DNAI4: variants seen among roughly 807,000 people sequenced by gnomAD.
DNAI4 encodes the protein dynein axonemal intermediate chain 4, also known as WD repeat domain 78.
DNAI4 carries 85 observed loss-of-function variants against 105.8 expected under a neutral mutation model. The ratio of observed to expected loss-of-function variants is 0.80; its 90% CI spans 0.67 to 0.96. The LOEUF (loss-of-function observed/expected upper bound fraction) is 0.96, where lower values mean the gene tolerates loss of function less well. DNAI4 is among the 40% of genes least tolerant of loss of function. The pLI, the probability that DNAI4 is intolerant of heterozygous loss-of-function variation, is 0.00. For missense variants in DNAI4, 1,014 were observed against 1,005.6 expected (o/e 1.01, Z -0.11); for synonymous variants, 352 against 331.5 (o/e 1.06, Z -0.67).
At chr1:66,897,654 G>A (rs1352401534) in intron 2 of DNAI4, among the ~76,000 whole-genome samples, 6 of 152,188 alleles carry the variant, frequency 3.9e-5, no homozygotes, top group African/African-American at 2.4e-5. Context: ...TTTTGGCAAG[G>A]AGTCAGCCAC....
At chr1:66,840,436 GA>G (rs753673234) in intron 9 of DNAI4, 32 bp downstream of exon 9, 2 of 1,577,346 alleles carry the variant, frequency 1.3e-6, no homozygotes, top group African/African-American at 2.7e-5. Context: ...TTCAATGCTA[GA>G]AACAGAATTG....
chr1:66,864,198 A>T (rs891236750), intron 6 of DNAI4, among the ~76,000 whole-genome samples: 5 of 152,346 alleles, frequency 3.3e-5, no homozygotes, highest in Admixed American at 1.3e-4. Context: ...AACCTGTCAA[A>T]TTGTATACAT....
chr1:66,904,022 T>TGTATATATATATATATATGC (rs1553230125), intron 2 of DNAI4, among the ~76,000 whole-genome samples: 1 of 151,382 alleles, frequency 6.6e-6, no homozygotes, highest in African/African-American at 2.4e-5. Flanking sequence ...TTTGTGTGTG[T>TGTATATATATATATATATGC]ATATATACAT....
chr1:66,871,574 T>C, intron 5 of DNAI4, 65 bp from the exon 6 acceptor site: 2 of 1,383,880 alleles, frequency 1.4e-6, no homozygotes, highest in Non-Finnish European at 1.9e-6. Flanking sequence ...TATCTCTTTA[T>C]ATTATTCTTT....
rs529847626 is a variant in DNAI4, at chr1:66,835,660, G to A, written c.1699C>T (p.Arg567Trp). The A allele has an allele frequency of 2.2e-5, 35 of 1,614,040 alleles. No individual in the cohort carries two copies. The highest frequency in any genetic ancestry group is 1.6e-4 in the Middle Eastern group (1 of 6,062). Residue 567 changes from arginine (R) to tryptophan (W), a missense_variant, in exon 11 of 17, where the codon CGG becomes TGG. Transcript: ENST00000371026. The stretch of plus-strand genomic sequence containing the variant: ...AGAACTGGAACATTACTGTTGCTCC[G>A]TACATTGTAAATTGCAATTGTGCCA... ...HNGTIAIYNV[R>W]SNSNVPVLDS... is the part of the protein sequence containing the mutation.
At chr1:66,915,526 ATACTT>A (rs1464140834) in intron 1 of DNAI4, among the ~76,000 whole-genome samples, 28 of 152,214 alleles carry the variant, frequency 1.8e-4, no homozygotes, top group Admixed American at 2.0e-4. Flanking sequence ...AATGGAATAA[ATACTT>A]GTAGACAAAC....
chr1:66,827,943 G>T, intron 13 of DNAI4, 33 bp from the exon 14 acceptor site: 1 of 1,331,416 alleles, frequency 7.5e-7, no homozygotes, highest in Non-Finnish European at 1.1e-6. Context: ...GCATTGGCTT[G>T]TGATACATTA....
chr1:66,865,260 C>T (rs1255755655), intron 6 of DNAI4, among the ~76,000 whole-genome samples: 1 of 151,978 alleles, frequency 6.6e-6, no homozygotes, highest in Non-Finnish European at 1.5e-5. Context: ...CCCATCTCTA[C>T]TAAAAATGCA....
intron 7 of DNAI4, among the ~76,000 whole-genome samples, chr1:66,858,460 G>A (rs1183545597): frequency 6.8e-6 from 1 of 147,838 alleles, no homozygotes; most frequent in Admixed American, 6.9e-5. Flanking sequence ...GTGAACCCAG[G>A]AGGCCGGGCT....
At chr1:66,913,614 T>A (rs1037436079) in intron 1 of DNAI4, among the ~76,000 whole-genome samples, 2 of 152,008 alleles carry the variant, frequency 1.3e-5, no homozygotes, top group Non-Finnish European at 2.9e-5. Context: ...AGGAAATATA[T>A]ATAAGGGCTA....
intron 10 of DNAI4, among the ~76,000 whole-genome samples, chr1:66,836,192 GAAAGAA>G (rs1645991451): frequency 4.8e-5 from 3 of 62,936 alleles, no homozygotes; most frequent in East Asian, 3.3e-4. Context: ...AAGAAAGAAA[GAAAGAA>G]AGAAAGAAAG....
At chr1:66,827,118 A>T (rs1645772515) in intron 14 of DNAI4, 72 bp from the exon 15 acceptor site, 1 of 1,304,036 alleles carries the variant, frequency 7.7e-7, no homozygotes, top group South Asian at 1.4e-5. Context: ...CCAGCAAATT[A>T]AAAATGCTAA....
At chr1:66,879,339 T>A (rs762884056) in intron 4 of DNAI4, among the ~76,000 whole-genome samples, 2 of 152,230 alleles carry the variant, frequency 1.3e-5, no homozygotes, top group Non-Finnish European at 2.9e-5. Flanking sequence ...TTAAGATTCA[T>A]CAATCTTGTT....
At chr1:66,826,401 T>C (rs540534817) in intron 15 of DNAI4, among the ~76,000 whole-genome samples, 4 of 152,188 alleles carry the variant, frequency 2.6e-5, no homozygotes, top group Admixed American at 1.3e-4. Context: ...TGGGTTGAAA[T>C]GATTCTCCTG....
At chr1:66,816,381 T>C (rs559139928) in intron 16 of DNAI4, among the ~76,000 whole-genome samples, 1 of 152,210 alleles carries the variant, frequency 6.6e-6, no homozygotes, top group African/African-American at 2.4e-5. Flanking sequence ...TGATTCACTC[T>C]TGGTTAAAAT....
chr1:66,881,451 G>A (rs780676772), intron 4 of DNAI4, among the ~76,000 whole-genome samples: 4 of 152,224 alleles, frequency 2.6e-5, no homozygotes, highest in African/African-American at 4.8e-5. Flanking sequence ...AGTGTGACCC[G>A]GATGCAAGAT....
intron 16 of DNAI4, among the ~76,000 whole-genome samples, chr1:66,818,017 G>T (rs968122118): frequency 1.4e-4 from 22 of 152,048 alleles, no homozygotes; most frequent in African/African-American, 4.8e-4. Flanking sequence ...ACCCTGAGAA[G>T]AATAAACACT....
At position 66,871,939 on chromosome 1, in the gene DNAI4, T is replaced by G. The variant is rs914132407; in HGVS notation, c.801-430A>C. On this transcript the variant is annotated intron_variant, in intron 5 of 16. Transcript: ENST00000371026. ...CCAGAAATTTTCATTTGTATAATTC[T>G]ATTCTGAAATTTTTGAGACCTTGCT... 7.2e-5 allele frequency among the ~76,000 whole-genome samples: 11 copies of G among 152,354 alleles called. 2 individuals carry two copies. Among genetic ancestry groups the G allele is most frequent in the Admixed American group, 1.3e-4 (2 of 15,306 alleles).
intron 7 of DNAI4, among the ~76,000 whole-genome samples, chr1:66,856,678 A>C (rs967755328): frequency 4.6e-5 from 7 of 152,072 alleles, no homozygotes; most frequent in African/African-American, 1.7e-4. Flanking sequence ...AAATAAAAGA[A>C]AGATAGTTGG....
Sources: allele counts gnomAD v4.1 joint callset (sites outside exome capture counted in the v4.1 genomes callset), GRCh38; gene constraint gnomAD v4.1.1; transcripts MANE v1.5; gene names NCBI Gene and HGNC (gene_info 2026-07-23, HGNC 2026-07-21).